PTPRT: variants seen among roughly 807,000 people sequenced by gnomAD.
The protein encoded by PTPRT is protein tyrosine phosphatase receptor type T.
A neutral mutation model predicts 176.8 loss-of-function variants in PTPRT; 56 were observed. The observed-to-expected ratio is 0.32, with a 90% CI of 0.26 to 0.40. The LOEUF (loss-of-function observed/expected upper bound fraction) is 0.40, where lower values mean the gene tolerates loss of function less well. Ranked by LOEUF, PTPRT falls within the 10% of genes least tolerant of loss-of-function variation. PTPRT has a pLI of 1.00. For missense variants in PTPRT, 1,540 were observed against 1,908.2 expected, an observed-to-expected ratio of 0.81 and a Z score of 3.60; for synonymous variants, 783 against 739.0, an observed-to-expected ratio of 1.06 and a Z score of -0.96.
chr20:43,049,183 T>C (rs1024635272), intron 1 of PTPRT, among the ~76,000 whole-genome samples: 4 of 152,114 alleles, frequency 2.6e-5, no homozygotes, highest in African/African-American at 4.8e-5. Flanking sequence ...GTAGAGCAGA[T>C]TGTGGAGATT....
chr20:42,837,769 G>A (rs146648085), intron 2 of PTPRT, among the ~76,000 whole-genome samples: 1 of 152,286 alleles, frequency 6.6e-6, no homozygotes, highest in Non-Finnish European at 1.5e-5. Flanking sequence ...AAAGTCCAGT[G>A]AAGAGTGACT....
At chr20:42,694,054 T>G (rs1025573958) in intron 6 of PTPRT, among the ~76,000 whole-genome samples, 10 of 148,092 alleles carry the variant, frequency 6.8e-5, no homozygotes, top group African/African-American at 2.5e-4. Context: ...TTTTTTTTTT[T>G]TTGAGCCAGA....
intron 1 of PTPRT, among the ~76,000 whole-genome samples, chr20:43,057,319 G>C (rs139554826): frequency 0.054 from 5,982 of 110,246 alleles, 269 homozygotes; most frequent in Middle Eastern, 0.12. Context: ...GGAGGAGGAG[G>C]GGGGAAGGGG....
At chr20:42,531,052 T>C (rs2072374091) in intron 7 of PTPRT, among the ~76,000 whole-genome samples, 1 of 152,234 alleles carries the variant, frequency 6.6e-6, no homozygotes, top group Non-Finnish European at 1.5e-5. Flanking sequence ...GTTGGTGGTA[T>C]GGAGATGTGA....
intron 1 of PTPRT, among the ~76,000 whole-genome samples, chr20:43,001,871 C>A (rs552902128): frequency 0.017 from 2,468 of 146,550 alleles, 54 homozygotes; most frequent in African/African-American, 0.06. Context: ...AACAAACAAA[C>A]AAACAAACAA....
At chr20:42,422,409 C>T (rs191296783) in intron 9 of PTPRT, among the ~76,000 whole-genome samples, 5 of 152,254 alleles carry the variant, frequency 3.3e-5, no homozygotes, top group Middle Eastern at 3.4e-3. Context: ...AGACACTTTT[C>T]AAAAGAAGAC....
At chr20:42,247,395 T>C (rs2056471166) in intron 14 of PTPRT, among the ~76,000 whole-genome samples, 1 of 152,196 alleles carries the variant, frequency 6.6e-6, no homozygotes, top group Non-Finnish European at 1.5e-5. Context: ...TTGCTGGAAA[T>C]GGGGATATTG....
chr20:42,244,515 C>A (rs1190593212), intron 14 of PTPRT, among the ~76,000 whole-genome samples: 1 of 152,134 alleles, frequency 6.6e-6, no homozygotes, highest in African/African-American at 2.4e-5. Flanking sequence ...TTTCCTAGTT[C>A]TCATTTGAAA....
intron 20 of PTPRT, among the ~76,000 whole-genome samples, chr20:42,119,475 C>T (rs75775669): frequency 0.033 from 5,089 of 152,178 alleles, 271 homozygotes; most frequent in African/African-American, 0.12. Flanking sequence ...TTGAAAGGTA[C>T]GATCATTTTT....
chr20:42,362,390 T>C (rs1238325728), intron 9 of PTPRT, among the ~76,000 whole-genome samples: 5 of 151,532 alleles, frequency 3.3e-5, no homozygotes, highest in Admixed American at 6.6e-5. Context: ...CTCGATCTAA[T>C]CGTGAGAAAA....
intron 13 of PTPRT, among the ~76,000 whole-genome samples, chr20:42,262,274 G>A (rs921815150): frequency 2.0e-5 from 3 of 152,354 alleles, no homozygotes; most frequent in African/African-American, 7.2e-5. Context: ...AGTGGGAGGT[G>A]AGGAGGGTAG....
chr20:42,560,168 A>G lies in PTPRT; in HGVS notation c.1154-87606T>C, dbSNP rs562520672. On this transcript the variant is annotated intron_variant, in intron 7 of 30. Coordinates refer to ENST00000373187, the MANE Select transcript of PTPRT (RefSeq NM_007050.6). ...GTTCGCTCAACCTCTAAGGGTATCAATGACTGATGTTCTGGAAGCCGACTT... is the reference window on the plus strand; with the variant it reads ...GTTCGCTCAACCTCTAAGGGTATCAGTGACTGATGTTCTGGAAGCCGACTT... Among the ~76,000 whole-genome samples the G allele has an allele frequency of 4.6e-5, 7 of 152,300 alleles. 1 individual carries two copies. The highest frequency in any genetic ancestry group is 4.1e-4 in the South Asian group (2 of 4,828).
chr20:42,941,093 A>C (rs1980522354), intron 1 of PTPRT, among the ~76,000 whole-genome samples: 1 of 151,124 alleles, frequency 6.6e-6, no homozygotes, highest in Non-Finnish European at 1.5e-5. Flanking sequence ...AAAAAAAATA[A>C]TAATAATAAT....
the PTPRT span, among the ~76,000 whole-genome samples, chr20:42,053,221 G>A: frequency 1.3e-5 from 2 of 152,232 alleles, no homozygotes; most frequent in Non-Finnish European, 2.9e-5. Flanking sequence ...AGATTCAGTG[G>A]CTCTGCGGTG....
intron 8 of PTPRT, among the ~76,000 whole-genome samples, chr20:42,458,427 C>G (rs150878569): frequency 6.6e-6 from 1 of 152,116 alleles, no homozygotes; most frequent in Non-Finnish European, 1.5e-5. Context: ...TCTCATTTTC[C>G]TTACTTTAAA....
chr20:42,409,520 T>TAAAAAAA, intron 9 of PTPRT, among the ~76,000 whole-genome samples: 5 of 123,148 alleles, frequency 4.1e-5, no homozygotes, highest in South Asian at 2.6e-4. Flanking sequence ...AAAAAAAAAG[T>TAAAAAAA]ATTATTTATA....
At chr20:42,864,558 C>G (rs2078714420) in intron 2 of PTPRT, among the ~76,000 whole-genome samples, 1 of 152,186 alleles carries the variant, frequency 6.6e-6, no homozygotes, top group African/African-American at 2.4e-5. Flanking sequence ...CCCTATGTGT[C>G]CCAATTGCAT....
chr20:42,592,858 G>T (rs1377059007), intron 7 of PTPRT, among the ~76,000 whole-genome samples: 1 of 152,202 alleles, frequency 6.6e-6, no homozygotes, highest in South Asian at 2.1e-4. Context: ...CCATTTAGCT[G>T]ACAGGAGAGG....
intron 21 of PTPRT, 108 bp from the exon 22 acceptor site, chr20:42,115,423 C>G (rs1011582266): frequency 1.2e-6 from 1 of 850,922 alleles, no homozygotes; most frequent in South Asian, 1.5e-5. Context: ...TCCAAATAAA[C>G]CCAAGGGTGA....
Sources: gnomAD v4.1 joint callset for allele counts (sites outside exome capture counted in the v4.1 genomes callset) on GRCh38, gnomAD v4.1.1 for gene constraint, MANE v1.5 for transcripts, NCBI Gene and HGNC (gene_info 2026-07-23, HGNC 2026-07-21) for gene names.